ARHGEF11: variants seen among roughly 807,000 people sequenced by gnomAD.
The protein encoded by ARHGEF11 is Rho guanine exchange factor (GEF) 11.
A neutral mutation model predicts 193.7 loss-of-function variants in ARHGEF11; 55 were observed. That is an observed-to-expected ratio of 0.28 (90% CI 0.23 to 0.36). ARHGEF11 has a LOEUF of 0.36. Ranked by LOEUF, ARHGEF11 falls within the 10% of genes least tolerant of loss-of-function variation. ARHGEF11 has a pLI of 1.00. For synonymous variants in ARHGEF11, 693 were observed against 768.0 expected (o/e 0.90, Z 1.62); for missense variants, 1,723 against 2,005.6 (o/e 0.86, Z 2.69).
chr1:156,936,199 C>T (rs996778078), intron 40 of ARHGEF11, 141 bp from the exon 41 acceptor site: 1 of 907,930 alleles, frequency 1.1e-6, no homozygotes, highest in African/African-American at 1.6e-5. Context: ...TCTCGTAGGG[C>T]TTGAAAAGGG....
intron 1 of ARHGEF11, among the ~76,000 whole-genome samples, chr1:157,035,810 A>C (rs1038161563): frequency 1.6e-4 from 4 of 25,666 alleles, no homozygotes; most frequent in African/African-American, 6.0e-4. Flanking sequence ...ATACAGGAAT[A>C]TATATATAGG....
chr1:157,035,900 T>C lies in ARHGEF11; in HGVS notation c.32+8399A>G, dbSNP rs1448200622. On this transcript the variant is annotated intron_variant, in intron 1 of 40. Transcript: ENST00000368194. The stretch of plus-strand genomic sequence containing the variant: ...ATATAGGAATATATATAGGAATATA[T>C]ATATATGAATCTATATATAGGAATA... 1.0e-4 allele frequency among the ~76,000 whole-genome samples: 5 copies of C among 49,222 alleles called. 2 individuals carry two copies. Among genetic ancestry groups the C allele is most frequent in the Non-Finnish European group, 1.7e-4 (4 of 23,696 alleles). 32.3% of individuals were successfully genotyped at this position (49,222 alleles called of 152,430 possible).
At chr1:157,015,458 C>T (rs1275926270) in intron 1 of ARHGEF11, among the ~76,000 whole-genome samples, 1 of 152,198 alleles carries the variant, frequency 6.6e-6, no homozygotes, top group Non-Finnish European at 1.5e-5. Context: ...AAACAAGCAA[C>T]CCCACTCTCC....
rs759142648 is a variant in ARHGEF11 at position 156,948,667 on chromosome 1, G to A, written c.1926-169C>T. ...TGGCAGTGGAAGCTTCTCAATGACA[G>A]ACTATTTTTGCTGCTCTACAAACTC... On this transcript the variant is annotated intron_variant, in intron 22 of 40. Transcript: ENST00000368194. This position sits in a 1 kb window ranked among gnomAD's most constrained non-coding sequence, Gnocchi z 4.2. 3 of 1,540,598 alleles carry A rather than the reference G, an allele frequency of 1.9e-6. No individual in the cohort carries two copies. In the Admixed American group the frequency reaches 5.9e-5, roughly 30 times the overall value.
chr1:156,952,207 C>A (rs142795369), intron 21 of ARHGEF11, among the ~76,000 whole-genome samples: 23 of 152,256 alleles, frequency 1.5e-4, no homozygotes, highest in African/African-American at 5.3e-4. Context: ...TTCATCACTA[C>A]AGAATCAGAC....
At position 156,946,937 on chromosome 1, in the gene ARHGEF11, C is replaced by T. The variant is rs200759533; in HGVS notation, c.2567G>A (p.Arg856Gln). The change falls in exon 27 of 41, where the codon CGG becomes CAG. Residue 856 changes from arginine (R) to glutamine (Q), a missense_variant and splice_region_variant. By Grantham distance (43) the Arg-to-Gln change is conservative. Around this residue, in one of 5 missense-constraint regions of ARHGEF11, gnomAD observed 491 missense variants for 654.5 expected, o/e 0.75. Transcript: ENST00000368194. ...AGAGGGAGAAGTTTGGAGCCATACC[C>T]GGGCCAGCATGAGGTCACTGATCTC... ...IKEISDLMLA[R>Q]FDGPAREELQ... 2.5e-5 allele frequency: 40 copies of T among 1,614,010 alleles called. No individual in the cohort carries two copies. In the East Asian group the frequency reaches 4.7e-4, roughly 19 times the overall value.
Position 156,946,686 on chromosome 1 carries a change from C to G in ARHGEF11, c.2670G>C (p.Glu890Asp). 6.2e-6 allele frequency: 10 copies of G among 1,614,226 alleles called. No homozygotes were observed. Among genetic ancestry groups the G allele is most frequent in the Non-Finnish European group, 8.5e-6 (10 of 1,180,046 alleles). ...LELIKTKQRK[E>D]SRFQLFMQEA... is the part of the protein sequence containing the mutation. The stretch of plus-strand genomic sequence containing the variant: ...CCTGCATGAAGAGCTGGAATCGACT[C>G]TCCTTGCGTTGCTTGGTCTTGATTA... Residue 890 changes from glutamate (E) to aspartate (D), a missense_variant, in exon 28 of 41, where the codon GAG (glutamate) becomes GAC (aspartate). Glu to Asp is a conservative substitution (Grantham distance 45). Around this residue, in one of 5 missense-constraint regions of ARHGEF11, gnomAD observed 491 missense variants for 654.5 expected, o/e 0.75. Transcript: ENST00000368194.
chr1:156,949,780 C>T (rs1658800244), intron 22 of ARHGEF11, among the ~76,000 whole-genome samples: 1 of 152,166 alleles, frequency 6.6e-6, no homozygotes, highest in Admixed American at 6.5e-5. Context: ...GTAAGTAATG[C>T]TCCTCACCAA....
intron 30 of ARHGEF11, 41 bp from the exon 31 acceptor site, chr1:156,944,474 ATTCATTC>A (rs773142501): frequency 7.1e-5 from 112 of 1,586,248 alleles, no homozygotes; most frequent in Admixed American, 4.0e-4. Flanking sequence ...TCATTCATTC[ATTCATTC>A]AAGTGTTTGA....
intron 1 of ARHGEF11, among the ~76,000 whole-genome samples, chr1:157,030,181 T>A (rs192101530): frequency 2.0e-5 from 3 of 152,270 alleles, no homozygotes; most frequent in Admixed American, 6.5e-5. Context: ...AAAAAAATTG[T>A]ACCTGTTTTT....
chr1:156,986,183 G>T lies in ARHGEF11; in HGVS notation c.33-10C>A. 6.2e-7 allele frequency: 1 copy of T among 1,611,068 alleles called. No homozygotes were observed. On this transcript the variant is annotated splice_polypyrimidine_tract_variant and intron_variant, in intron 1 of 40. Transcript: ENST00000368194. The stretch of plus-strand genomic sequence containing the variant: ...AGACAGGCTACTTAACCTGGAGAAG[G>T]AGTAAGGAAAGCATGTCAATGAGCT...
At chr1:157,003,477 C>G (rs1444056112) in intron 1 of ARHGEF11, among the ~76,000 whole-genome samples, 2 of 152,232 alleles carry the variant, frequency 1.3e-5, no homozygotes, top group Non-Finnish European at 2.9e-5. Flanking sequence ...CACTAAGCAT[C>G]TGCTGAGTAG....
intron 1 of ARHGEF11, among the ~76,000 whole-genome samples, chr1:157,026,539 A>G (rs974421429): frequency 1.3e-5 from 2 of 152,170 alleles, no homozygotes; most frequent in African/African-American, 4.8e-5. Flanking sequence ...AGATTTCATC[A>G]AAGTTCAGTA....
At chr1:157,024,897 G>C (rs1670459115) in intron 1 of ARHGEF11, among the ~76,000 whole-genome samples, 1 of 152,144 alleles carries the variant, frequency 6.6e-6, no homozygotes, top group African/African-American at 2.4e-5. Context: ...TGAACCCCTT[G>C]TGTATTCACA....
chr1:156,950,534 G>T (rs1354794859), intron 22 of ARHGEF11, among the ~76,000 whole-genome samples: 2 of 152,166 alleles, frequency 1.3e-5, no homozygotes, highest in Non-Finnish European at 2.9e-5. Context: ...TAGTTACTCA[G>T]GAGGCTGAGG....
chr1:156,960,363 G>A, intron 15 of ARHGEF11, 55 bp downstream of exon 15: 1 of 1,562,002 alleles, frequency 6.4e-7, no homozygotes, highest in African/African-American at 1.4e-5. Flanking sequence ...CCTCCTGAGA[G>A]CTCAGGACAA....
intron 40 of ARHGEF11, 92 bp from the exon 41 acceptor site, chr1:156,936,150 A>T (rs1655044087): frequency 2.4e-6 from 3 of 1,275,644 alleles, no homozygotes; most frequent in Non-Finnish European, 3.4e-6. Flanking sequence ...ACGAGAACAG[A>T]TCCTTCATCA....
chr1:156,996,772 CAAAAAAAA>C (rs66730438), intron 1 of ARHGEF11, among the ~76,000 whole-genome samples: 2 of 38,644 alleles, frequency 5.2e-5, no homozygotes, highest in Non-Finnish European at 1.1e-4. Context: ...GACTCTGTCT[CAAAAAAAA>C]AAAAAAAAAA....
In ARHGEF11 at chr1:156,943,357, G is replaced by C. The variant is rs142339110; in HGVS notation, c.3236-577C>G. Among the ~76,000 whole-genome samples the C allele has an allele frequency of 5.6e-3, 856 of 152,276 alleles. 5 individuals are homozygous for C. Among genetic ancestry groups the C allele is most frequent in the African/African-American group, 0.02 (825 of 41,554 alleles). On this transcript the variant is annotated intron_variant, in intron 32 of 40. Coordinates refer to ENST00000368194, the MANE Select transcript of ARHGEF11 (RefSeq NM_198236.3). ...ATTACAGGCATGAGCCACAGTGCCTGGTCAAGGGTTTATAAAACTTTTTCA... is the reference window on the plus strand; with the variant it reads ...ATTACAGGCATGAGCCACAGTGCCTCGTCAAGGGTTTATAAAACTTTTTCA...
Sources: gnomAD v4.1 joint callset for allele counts (sites outside exome capture counted in the v4.1 genomes callset) on GRCh38, gnomAD v4.1.1 for gene constraint, gnomAD v4.1.1 regional missense constraint, Gnocchi (gnomAD v3.1) non-coding constraint, MANE v1.5 for transcripts, NCBI Gene and HGNC (gene_info 2026-07-23, HGNC 2026-07-21) for gene names.